RMDN1: variants seen among roughly 807,000 people sequenced by gnomAD.
The protein encoded by RMDN1 is regulator of microtubule dynamics protein 1.
RMDN1 carries 48 observed loss-of-function variants against 48.9 expected under a neutral mutation model. The observed-to-expected ratio is 0.98, with a 90% CI of 0.78 to 1.25. The LOEUF is 1.25. Among genes scored for constraint, RMDN1 ranks in the 50% most tolerant of loss-of-function variants. The pLI, the probability that RMDN1 is intolerant of heterozygous loss-of-function variation, is 0.00. For synonymous variants in RMDN1, 148 were observed against 132.6 expected (o/e 1.12, Z -0.80); for missense variants, 418 against 373.4 (o/e 1.12, Z -0.98).
chr8:86,469,024 C>T (rs1188872072), downstream of RMDN1, among the ~76,000 whole-genome samples: 1 of 151,900 alleles, frequency 6.6e-6, no homozygotes, highest in African/African-American at 2.4e-5. Flanking sequence ...GTGACTCCCC[C>T]ACCCCCACCA....
At position 86,472,715 on chromosome 8, in the gene RMDN1, G is replaced by GTACT. The variant is rs1812745070; in HGVS notation, c.*1589_*1592dup. The GTACT allele has an allele frequency of 4.1e-6, 2 of 492,744 alleles. No homozygotes were observed. Among genetic ancestry groups the GTACT allele is most frequent in the Middle Eastern group, 5.5e-4 (1 of 1,832 alleles). The allele number at this position is 492,744 out of a possible 1,614,324, so 30.5% of individuals were successfully genotyped here. A position where few individuals can be genotyped will look rare whatever the true frequency, so the allele number is the denominator to read the frequency against. On this transcript the variant is annotated 3_prime_UTR_variant, in exon 10 of 10. Coordinates refer to ENST00000406452, the MANE Select transcript of RMDN1 (RefSeq NM_016033.3). ...GTTATGTCATATTTTTTACTGTTAA[G>GTACT]TACTTATGCATGAATAAGTATAAGA...
intron 1 of RMDN1, 130 bp from the exon 2 acceptor site, chr8:86,507,242 A>G (rs1223057546): frequency 1.7e-6 from 1 of 589,742 alleles, no homozygotes; most frequent in African/African-American, 1.8e-5. Flanking sequence ...CTTAAAAATT[A>G]CTTCATCAAA....
intron 2 of RMDN1, among the ~76,000 whole-genome samples, chr8:86,493,093 A>G (rs1203770976): frequency 1.3e-5 from 2 of 151,996 alleles, no homozygotes; most frequent in Non-Finnish European, 2.9e-5. Flanking sequence ...AAACATATGG[A>G]TCATTTTCCA....
At chr8:86,469,993 T>C (rs1443834040), downstream of RMDN1, among the ~76,000 whole-genome samples, 2 of 152,140 alleles carry the variant, frequency 1.3e-5, no homozygotes, top group Non-Finnish European at 2.9e-5. Context: ...AGAGAAGCCA[T>C]TTTTACAACA....
At chr8:86,503,366 C>CAAAAAAAAAAAAAAAAAAAAAAAAAAAA (rs1354324383) in intron 2 of RMDN1, among the ~76,000 whole-genome samples, 19 of 70,444 alleles carry the variant, frequency 2.7e-4, no homozygotes, top group Non-Finnish European at 5.0e-4. Context: ...CAAAACAAAA[C>CAAAAAAAAAAAAAAAAAAAAAAAAAAAA]AAAACAAAAA....
Position 86,508,583 on chromosome 8 carries a change from A to T in RMDN1, c.38T>A (p.Phe13Tyr). The T allele has an allele frequency of 5.0e-6, 8 of 1,604,822 alleles. No homozygotes were observed. The highest frequency in any genetic ancestry group is 6.8e-6 in the Non-Finnish European group (8 of 1,177,060). The change falls in exon 1 of 10, where the codon TTC (phenylalanine) becomes TAC (tyrosine). Residue 13 changes from phenylalanine to tyrosine, a missense_variant. By Grantham distance (22) the Phe-to-Tyr change is conservative. Transcript: ENST00000406452. ...LAARLWRLLPFRRGAAPGSRL... is the reference protein window; with the variant it reads ...LAARLWRLLPYRRGAAPGSRL... ...AGACCCCGGGGCGGCTCCACGTCGGAAAGGCAGAAGGCGCCACAGTCGAGC... is the reference window on the plus strand; with the variant it reads ...AGACCCCGGGGCGGCTCCACGTCGGTAAGGCAGAAGGCGCCACAGTCGAGC...
upstream of RMDN1, among the ~76,000 whole-genome samples, chr8:86,511,629 G>A (rs1284354037): frequency 2.6e-5 from 4 of 152,016 alleles, no homozygotes; most frequent in Non-Finnish European, 4.4e-5. Flanking sequence ...GGGCAACATG[G>A]TGAAACCGCA....
chr8:86,494,939 A>G, intron 2 of RMDN1: 1 of 440,376 alleles, frequency 2.3e-6, no homozygotes, highest in South Asian at 1.6e-5. Flanking sequence ...GCACCTCCAC[A>G]CTCTACCCTC....
At chr8:86,482,219 T>C (rs554959350) in intron 5 of RMDN1, 4 of 362,846 alleles carry the variant, frequency 1.1e-5, no homozygotes, top group African/African-American at 8.5e-5. Flanking sequence ...CTGGCCAACA[T>C]GGTGAAACGC....
At chr8:86,507,974 G>T (rs908813488) in intron 1 of RMDN1, 7 of 152,542 alleles carry the variant, frequency 4.6e-5, no homozygotes, top group African/African-American at 1.7e-4. Context: ...AGAAATACCA[G>T]AACTGAGACT....
chr8:86,505,453 A>C, intron 2 of RMDN1: 2 of 432,120 alleles, frequency 4.6e-6, no homozygotes, highest in Non-Finnish European at 9.6e-6. Flanking sequence ...AGATATACAT[A>C]TGAGTGTGGA....
chr8:86,495,108 C>T (rs146343208), intron 2 of RMDN1: 8 of 267,220 alleles, frequency 3.0e-5, no homozygotes, highest in African/African-American at 1.3e-4. Context: ...AGACCATCAT[C>T]GAGTAGACTG....
chr8:86,493,807 A>G (rs529188770), intron 2 of RMDN1, among the ~76,000 whole-genome samples: 84 of 152,330 alleles, frequency 5.5e-4, no homozygotes, highest in African/African-American at 1.9e-3. Context: ...GGTTATGTGC[A>G]TAAGATATAA....
chr8:86,488,746 T>TA, intron 2 of RMDN1, 107 bp from the exon 3 acceptor site: 1 of 618,618 alleles, frequency 1.6e-6, no homozygotes, highest in Non-Finnish European at 2.6e-6. Flanking sequence ...CAAATGAAAT[T>TA]AGATACAGAA....
chr8:86,474,102 A>AT lies in RMDN1; in HGVS notation c.*205dup, dbSNP rs1421613636. On this transcript the variant is annotated 3_prime_UTR_variant, in exon 10 of 10. Transcript: ENST00000406452. The stretch of plus-strand genomic sequence containing the variant: ...GCAAAATAATCTCTTTGCCTGAGCC[A>AT]TGGAGATTTATTTCTACCACTCTTA... 1 of 1,299,062 alleles carries AT rather than the reference A, an allele frequency of 7.7e-7. No individual in the cohort carries two copies. The highest frequency in any genetic ancestry group is 1.5e-5 in the African/African-American group (1 of 65,926). 80.5% of individuals were successfully genotyped at this position (1,299,062 alleles called of 1,614,324 possible).
exon 1 of RMDN1, chr8:86,514,318 G>A: frequency 2.1e-6 from 2 of 968,972 alleles, no homozygotes; most frequent in Non-Finnish European, 2.5e-6. Flanking sequence ...CTGGCAAGGA[G>A]CTGACATGCA....
chr8:86,506,515 GATGA>G (rs1273375219), intron 2 of RMDN1, among the ~76,000 whole-genome samples: 2 of 152,166 alleles, frequency 1.3e-5, no homozygotes, highest in Non-Finnish European at 2.9e-5. Context: ...CACTTGAGAG[GATGA>G]ATATGTGTGC....
Position 86,473,001 on chromosome 8 carries a change from G to A in RMDN1, c.*1307C>T, listed in dbSNP as rs544271344. 1 of 377,658 alleles carries A rather than the reference G, an allele frequency of 2.6e-6. No homozygotes were observed. Among genetic ancestry groups the A allele is most frequent in the East Asian group, 1.6e-4 (1 of 6,110 alleles). 23.4% of individuals were successfully genotyped at this position (377,658 alleles called of 1,614,324 possible). A position where few individuals can be genotyped will look rare whatever the true frequency, so the allele number is the denominator to read the frequency against. The stretch of plus-strand genomic sequence containing the variant: ...TCCCATCTCCAAGATATCTTATTGT[G>A]TGTATGCAGGTATTCCAAAATTTGG... On this transcript the variant is annotated 3_prime_UTR_variant, in exon 10 of 10. Coordinates refer to ENST00000406452, the MANE Select transcript of RMDN1 (RefSeq NM_016033.3).
chr8:86,500,981 C>T (rs1420970822), intron 2 of RMDN1, among the ~76,000 whole-genome samples: 1 of 152,134 alleles, frequency 6.6e-6, no homozygotes, highest in Non-Finnish European at 1.5e-5. Flanking sequence ...CACTTGTTAA[C>T]TGGGCACTAA....
Sources: gnomAD v4.1 joint callset for allele counts (sites outside exome capture counted in the v4.1 genomes callset) on GRCh38, gnomAD v4.1.1 for gene constraint, MANE v1.5 for transcripts, NCBI Gene and HGNC (gene_info 2026-07-23, HGNC 2026-07-21) for gene names.